The following PDE6C variants were observed in gnomAD, a reference collection of about 807,000 sequenced individuals.
PDE6C encodes the protein cone cGMP-specific 3',5'-cyclic phosphodiesterase subunit alpha'.
Under a neutral mutation model 113.1 loss-of-function variants are expected in PDE6C, and 75 were observed. The ratio of observed to expected loss-of-function variants is 0.66; its 90% CI spans 0.55 to 0.80. PDE6C has a LOEUF of 0.80. Among genes scored for constraint, PDE6C ranks in the 30% least tolerant of loss-of-function variants. The pLI is 0.00. For missense variants in PDE6C, 912 were observed against 1,038.6 expected, an observed-to-expected ratio of 0.88 and a Z score of 1.67; for synonymous variants, 375 against 363.7, an observed-to-expected ratio of 1.03 and a Z score of -0.35.
At chr10:93,613,249 A>G (rs752681093) in intron 1 of PDE6C, 44 bp downstream of exon 1, 11 of 1,611,942 alleles carry the variant, frequency 6.8e-6, no homozygotes, top group South Asian at 2.2e-5. Flanking sequence ...TGGCAGGGTC[A>G]GGGAGGAACA....
Position 93,665,454 on chromosome 10 carries a change from T to A in PDE6C, c.*36T>A, listed in dbSNP as rs773305494. 7.4e-7 allele frequency: 1 copy of A among 1,350,590 alleles called. No homozygotes were observed. The highest frequency in any genetic ancestry group is 1.1e-6 in the Non-Finnish European group (1 of 939,994). 83.7% of individuals were successfully genotyped at this position (1,350,590 alleles called of 1,614,324 possible). On this transcript the variant is annotated 3_prime_UTR_variant, in exon 22 of 22. Transcript: ENST00000371447. ...CTGGTCTAAACTTCAAATATCATTT[T>A]ACCTTTGAAGAAAACCAGAAAACAT...
At position 93,659,177 on chromosome 10, in the gene PDE6C, G is replaced by C. The variant is rs752406177; in HGVS notation, c.2208+10G>C. ...GGAGGTGCAAAGTCAGGTGAGTCCA[G>C]TTAAGTTTTCTTTTCTGTCACACTG... On this transcript the variant is annotated intron_variant, in intron 18 of 21. Transcript: ENST00000371447. 1 of 1,596,102 alleles carries C rather than the reference G, an allele frequency of 6.3e-7. No individual in the cohort carries two copies. The highest frequency in any genetic ancestry group is 1.1e-5 in the South Asian group (1 of 90,410).
At position 93,613,007 on chromosome 10, in the gene PDE6C, C is replaced by G. The variant is rs12781149; in HGVS notation, c.282C>G (p.Asp94Glu). 1.9e-6 allele frequency: 3 copies of G among 1,614,078 alleles called. No individual in the cohort carries two copies. Among genetic ancestry groups the G allele is most frequent in the Non-Finnish European group, 1.7e-6 (2 of 1,179,974 alleles). Residue 94 changes from aspartate to glutamate, a missense_variant, in exon 1 of 22, where the codon GAC becomes GAG. Asp to Glu is a conservative substitution (Grantham distance 45, BLOSUM62 2). Coordinates refer to ENST00000371447, the MANE Select transcript of PDE6C (RefSeq NM_006204.4). ...LQRLAHLLQA[D>E]RCSMFLCRSR... ...GGCTGGCCCACCTGCTCCAGGCTGA[C>G]CGCTGCAGCATGTTCCTGTGCCGGT... is the stretch of plus-strand genomic sequence containing the variant.
chr10:93,640,742 A>G (rs2058555589), intron 13 of PDE6C, among the ~76,000 whole-genome samples, 178 bp from the exon 14 acceptor site: 1 of 152,178 alleles, frequency 6.6e-6, no homozygotes, highest in East Asian at 1.9e-4. Flanking sequence ...ACATTCACAC[A>G]CTTACCTTCT....
At chr10:93,629,837 A>G (rs982595817) in intron 8 of PDE6C, among the ~76,000 whole-genome samples, 1 of 152,160 alleles carries the variant, frequency 6.6e-6, no homozygotes, top group Non-Finnish European at 1.5e-5. Context: ...CTGTAAATAC[A>G]GATGAAGTTT....
At position 93,646,028 on chromosome 10, in the gene PDE6C, A is replaced by T; in HGVS notation, c.1916A>T (p.Lys639Met). The T allele has an allele frequency of 6.3e-7, 1 of 1,598,836 alleles. No individual in the cohort carries two copies. The highest frequency in any genetic ancestry group is 8.6e-7 in the Non-Finnish European group (1 of 1,166,082). The change falls in exon 15 of 22, where the codon AAG becomes ATG. Residue 639 changes from lysine (K) to methionine (M), a missense_variant. Transcript: ENST00000371447. ...GAGAGGCACCACCTGGAGTACAGTAAGACTCTGTTGCAGGATGAGGTACGT... is the reference window on the plus strand; with the variant it reads ...GAGAGGCACCACCTGGAGTACAGTATGACTCTGTTGCAGGATGAGGTACGT... ...ILERHHLEYS[K>M]TLLQDESLNI...
At chr10:93,639,931 T>G in intron 11 of PDE6C, 139 bp from the exon 12 acceptor site, 1 of 854,680 alleles carries the variant, frequency 1.2e-6, no homozygotes, top group Non-Finnish European at 2.0e-6. Flanking sequence ...CATCATCCAG[T>G]GCCTGGCACA....
intron 8 of PDE6C, among the ~76,000 whole-genome samples, chr10:93,632,286 T>C (rs2058505499): frequency 1.3e-5 from 2 of 152,220 alleles, no homozygotes; most frequent in Admixed American, 1.3e-4. Flanking sequence ...TTAGTTCCCC[T>C]GTGTTGTGTA....
intron 3 of PDE6C, among the ~76,000 whole-genome samples, chr10:93,621,327 A>G (rs2058445174): frequency 6.6e-6 from 1 of 152,236 alleles, no homozygotes; most frequent in Non-Finnish European, 1.5e-5. Context: ...TAAAGTTTGT[A>G]GAAATTCCTG....
chr10:93,612,789 GA>G lies in PDE6C; in HGVS notation c.65del (p.Glu22GlyfsTer32). On this transcript the variant is annotated frameshift_variant, in exon 1 of 22. Transcript: ENST00000371447. LOFTEE classifies it high-confidence loss of function. ...YLEENPQFAKEYFDRKLRVEV... is the reference protein window; with the variant it reads ...YLEENPQFAKXYFDRKLRVEV... ...GGAGGAGAACCCTCAGTTTGCCAAGGAGTACTTTGACAGGAAGTTGCGGGTG... is the reference window on the plus strand; with the variant it reads ...GGAGGAGAACCCTCAGTTTGCCAAGGGTACTTTGACAGGAAGTTGCGGGTG... 1 of 1,614,196 alleles carries G rather than the reference GA, an allele frequency of 6.2e-7. No individual in the cohort carries two copies. Among genetic ancestry groups the G allele is most frequent in the Non-Finnish European group, 8.5e-7 (1 of 1,180,036 alleles).
intron 21 of PDE6C, among the ~76,000 whole-genome samples, chr10:93,664,300 A>C (rs1261123132): frequency 2.0e-5 from 3 of 152,242 alleles, no homozygotes; most frequent in Admixed American, 6.5e-5. Flanking sequence ...CTAACCACAG[A>C]AAGCAGGCAT....
At chr10:93,639,316 G>T (rs185018844) in intron 11 of PDE6C, among the ~76,000 whole-genome samples, 18 of 152,208 alleles carry the variant, frequency 1.2e-4, no homozygotes, top group African/African-American at 4.1e-4. Context: ...CTTTTCACTC[G>T]TATATATTTT....
At chr10:93,619,484 T>C (rs904011607) in intron 1 of PDE6C, among the ~76,000 whole-genome samples, 1 of 152,144 alleles carries the variant, frequency 6.6e-6, no homozygotes, top group East Asian at 1.9e-4. Flanking sequence ...TGGAGTACAA[T>C]GGCGCGATCT....
chr10:93,650,023 T>C (rs1304073000), intron 15 of PDE6C, among the ~76,000 whole-genome samples: 2 of 152,170 alleles, frequency 1.3e-5, no homozygotes, highest in African/African-American at 4.8e-5. Context: ...GCTCATATCA[T>C]GACCCTTCAC....
In PDE6C at chr10:93,634,755, T is replaced by A; in HGVS notation, c.1120-3T>A. The stretch of plus-strand genomic sequence containing the variant: ...ATAACTTGAGGTCCCTTCTCGTTTG[T>A]AGAAAGGACCTGTAGACGAAACTGG... On this transcript the variant is annotated splice_region_variant and splice_polypyrimidine_tract_variant and intron_variant, in intron 8 of 21. Transcript: ENST00000371447. The A allele has an allele frequency of 3.1e-6, 5 of 1,614,046 alleles. No individual in the cohort carries two copies. The highest frequency in any genetic ancestry group is 4.2e-6 in the Non-Finnish European group (5 of 1,179,930).
chr10:93,636,596 C>T (rs377464144), intron 10 of PDE6C, among the ~76,000 whole-genome samples: 1 of 151,456 alleles, frequency 6.6e-6, no homozygotes, highest in Admixed American at 6.6e-5. Flanking sequence ...TACATGCAAA[C>T]AACCCACACC....
chr10:93,612,998 C>G lies in PDE6C; in HGVS notation c.273C>G (p.Leu91=). 1 of 1,614,110 alleles carries G rather than the reference C, an allele frequency of 6.2e-7. No homozygotes were observed. Among genetic ancestry groups the G allele is most frequent in the Middle Eastern group, 1.7e-4 (1 of 6,060 alleles). The stretch of plus-strand genomic sequence containing the variant: ...CCCTGCAGAGGCTGGCCCACCTGCT[C>G]CAGGCTGACCGCTGCAGCATGTTCC... The part of the protein sequence containing the change: ...HRALQRLAHL[L]QADRCSMFLC... The change falls in exon 1 of 22, where the codon CTC becomes CTG. Residue 91 remains leucine, a synonymous_variant. Coordinates refer to ENST00000371447, the MANE Select transcript of PDE6C (RefSeq NM_006204.4).
chr10:93,618,614 C>T (rs2058431187), intron 1 of PDE6C, among the ~76,000 whole-genome samples: 2 of 152,302 alleles, frequency 1.3e-5, no homozygotes, highest in Admixed American at 6.5e-5. Context: ...GAGAGCGGTA[C>T]CATTTCTGGT....
chr10:93,658,959 G>C lies in PDE6C; in HGVS notation c.2095G>C (p.Glu699Gln). The C allele has an allele frequency of 6.2e-7, 1 of 1,613,202 alleles. No individual in the cohort carries two copies. Among genetic ancestry groups the C allele is most frequent in the South Asian group, 1.1e-5 (1 of 91,064 alleles). ...DACEQMQTEE[E>Q]AIKYVTVDPT... Reference sequence around the variant, plus strand: ...CTGTGAACAAATGCAAACGGAAGAAGAAGCCATCAAATATGTAACTGTTGA... The same window carrying C: ...CTGTGAACAAATGCAAACGGAAGAACAAGCCATCAAATATGTAACTGTTGA... Residue 699 changes from glutamate to glutamine, a missense_variant, in exon 17 of 22, where the codon GAA becomes CAA. Glu to Gln is a conservative substitution (Grantham distance 29). Coordinates refer to ENST00000371447, the MANE Select transcript of PDE6C (RefSeq NM_006204.4).
Sources: allele counts gnomAD v4.1 joint callset (sites outside exome capture counted in the v4.1 genomes callset), GRCh38; gene constraint gnomAD v4.1.1; transcripts MANE v1.5; gene names NCBI Gene and HGNC (gene_info 2026-07-23, HGNC 2026-07-21).